Variants in ADAMTSL1 observed in about 807,000 individuals in gnomAD.
ADAMTSL1 encodes ADAMTS-like protein 1.
Under a neutral mutation model 201.8 loss-of-function variants are expected in ADAMTSL1, and 126 were observed. That is an observed-to-expected ratio of 0.62 (90% confidence interval 0.54 to 0.72). ADAMTSL1 has a LOEUF of 0.72. Among genes scored for constraint, ADAMTSL1 ranks in the 30% least tolerant of loss-of-function variants. The pLI is 0.00. For synonymous variants in ADAMTSL1, 1,121 were observed against 903.4 expected, an observed-to-expected ratio of 1.24 and a Z score of -4.32; for missense variants, 2,679 against 2,277.8, an observed-to-expected ratio of 1.18 and a Z score of -3.59.
At chr9:18,251,777 T>C (rs940917000) in intron 2 of ADAMTSL1, among the ~76,000 whole-genome samples, 1 of 152,182 alleles carries the variant, frequency 6.6e-6, no homozygotes, top group African/African-American at 2.4e-5. Flanking sequence ...CAGAGAAAGA[T>C]ATTGGTGCAA....
rs188824049 is a variant in ADAMTSL1, at chr9:18,618,474, G to C, written c.475-3769G>C. On this transcript the variant is annotated intron_variant, in intron 4 of 28. Transcript: ENST00000380548. The stretch of plus-strand genomic sequence containing the variant: ...TAGCCCAGGATGTTGTGTGGAGATA[G>C]ACATGTTAATAAACTCAATGTAAGT... 4.4e-4 allele frequency among the ~76,000 whole-genome samples: 65 copies of C among 149,408 alleles called. 1 individual carries two copies. The East Asian group carries it at 0.011, about 25-fold the overall frequency.
intron 1 of ADAMTSL1, among the ~76,000 whole-genome samples, chr9:17,926,622 A>C (rs755855384): frequency 6.6e-6 from 1 of 152,208 alleles, no homozygotes; most frequent in Non-Finnish European, 1.5e-5. Flanking sequence ...TCTCCTGCCA[A>C]TGGTTAAAAC....
chr9:18,692,852 T>C (rs529374898), intron 13 of ADAMTSL1, among the ~76,000 whole-genome samples: 3 of 152,210 alleles, frequency 2.0e-5, no homozygotes, highest in Non-Finnish European at 4.4e-5. Context: ...CCCTGGGATG[T>C]GGCCTTTTAA....
At chr9:18,755,545 G>A (rs1310730266) in intron 16 of ADAMTSL1, among the ~76,000 whole-genome samples, 1 of 152,022 alleles carries the variant, frequency 6.6e-6, no homozygotes, top group Non-Finnish European at 1.5e-5. Context: ...ATGTCTTTTT[G>A]ATAGCCACAC....
At chr9:18,734,880 C>T (rs150894900) in intron 15 of ADAMTSL1, among the ~76,000 whole-genome samples, 1 of 152,296 alleles carries the variant, frequency 6.6e-6, no homozygotes, top group African/African-American at 2.4e-5. Flanking sequence ...TTTCAGTCTT[C>T]CAGGTAAGCC....
At chr9:18,709,309 A>G (rs1186896947) in intron 14 of ADAMTSL1, among the ~76,000 whole-genome samples, 1 of 152,218 alleles carries the variant, frequency 6.6e-6, no homozygotes, top group African/African-American at 2.4e-5. Flanking sequence ...TGTATTATCA[A>G]CTTTGATCTT....
At chr9:18,560,940 T>A (rs1263249909) in intron 3 of ADAMTSL1, among the ~76,000 whole-genome samples, 6 of 145,460 alleles carry the variant, frequency 4.1e-5, no homozygotes, top group African/African-American at 1.5e-4. Context: ...CGTTAATCTT[T>A]AAAAAAAAAA....
At chr9:18,888,459 C>A (rs1249067276) in intron 24 of ADAMTSL1, among the ~76,000 whole-genome samples, 1 of 152,242 alleles carries the variant, frequency 6.6e-6, no homozygotes, top group Non-Finnish European at 1.5e-5. Context: ...GCCTGCTGAT[C>A]ATTCTGAAGA....
In ADAMTSL1 at chr9:17,940,805, C is replaced by CT. The variant is rs1320559612; in HGVS notation, c.87+33883_87+33884insT. Among the ~76,000 whole-genome samples, 201 of 56,640 alleles carry CT rather than the reference C, an allele frequency of 3.5e-3. 23 individuals carry two copies. The highest frequency in any genetic ancestry group is 6.4e-3 in the Admixed American group (31 of 4,858). The allele number at this position is 56,640 out of a possible 152,430, so 37.2% of individuals were successfully genotyped here. ...CTTAAAAATAAAAGTAAATAACACC[C>CT]CCCCCCCAAAAAAAAGAAAGAAATA... On this transcript the variant is annotated intron_variant, in intron 1 of 29. Transcript: ENST00000680146.
At chr9:17,937,899 C>T (rs1440495331) in intron 1 of ADAMTSL1, among the ~76,000 whole-genome samples, 1 of 152,092 alleles carries the variant, frequency 6.6e-6, no homozygotes, top group Non-Finnish European at 1.5e-5. Flanking sequence ...TGACATGGTA[C>T]ACCTGCTTGC....
intron 2 of ADAMTSL1, among the ~76,000 whole-genome samples, chr9:18,444,244 G>A (rs1379282594): frequency 6.6e-6 from 1 of 152,070 alleles, no homozygotes. Context: ...AACTACTAAG[G>A]GTGAGGCATT....
At chr9:18,353,934 C>A (rs1836090607) in intron 2 of ADAMTSL1, among the ~76,000 whole-genome samples, 1 of 151,658 alleles carries the variant, frequency 6.6e-6, no homozygotes, top group Admixed American at 6.6e-5. Flanking sequence ...CGTAATCTAA[C>A]CTTACAGAAA....
intron 1 of ADAMTSL1, among the ~76,000 whole-genome samples, chr9:17,971,534 A>G (rs73643481): frequency 0.013 from 2,006 of 152,124 alleles, 39 homozygotes; most frequent in African/African-American, 0.046. Flanking sequence ...TCACAGAGAG[A>G]ACAATCATAA....
At chr9:18,041,209 G>T (rs556328469) in intron 1 of ADAMTSL1, among the ~76,000 whole-genome samples, 13 of 152,264 alleles carry the variant, frequency 8.5e-5, no homozygotes, top group Admixed American at 5.9e-4. Flanking sequence ...ACTCTGTAAA[G>T]CCTGCCCTGT....
chr9:18,191,928 A>T (rs1484311739), intron 2 of ADAMTSL1, among the ~76,000 whole-genome samples: 1 of 152,154 alleles, frequency 6.6e-6, no homozygotes, highest in Non-Finnish European at 1.5e-5. Flanking sequence ...TGAAAACCTT[A>T]TTGTTACTTT....
chr9:18,006,089 A>T (rs531319242), intron 1 of ADAMTSL1, among the ~76,000 whole-genome samples: 1 of 149,066 alleles, frequency 6.7e-6, no homozygotes, highest in Non-Finnish European at 1.5e-5. Context: ...ACCACTCGGG[A>T]AAAAAAAAAG....
At chr9:18,465,734 T>A (rs1036048434) in intron 2 of ADAMTSL1, among the ~76,000 whole-genome samples, 1 of 140,262 alleles carries the variant, frequency 7.1e-6, no homozygotes, top group South Asian at 2.4e-4. Flanking sequence ...GCCACAGGTA[T>A]CTTTTTGTTT....
intron 8 of ADAMTSL1, among the ~76,000 whole-genome samples, chr9:18,659,581 A>T (rs1828931913): frequency 6.6e-6 from 1 of 152,192 alleles, no homozygotes; most frequent in Admixed American, 6.5e-5. Context: ...TCTGGCCAAC[A>T]TGGTGAAATC....
intron 23 of ADAMTSL1, among the ~76,000 whole-genome samples, chr9:18,883,900 G>T (rs555741031): frequency 6.6e-6 from 1 of 152,230 alleles, no homozygotes; most frequent in South Asian, 2.1e-4. Flanking sequence ...ATCTTTTAAA[G>T]TTCCTGCTTT....
Sources: allele counts gnomAD v4.1 joint callset (sites outside exome capture counted in the v4.1 genomes callset), GRCh38; gene constraint gnomAD v4.1.1; transcripts MANE v1.5; gene names NCBI Gene and HGNC (gene_info 2026-07-23, HGNC 2026-07-21).